BEAN1: variants seen among roughly 807,000 people sequenced by gnomAD.
BEAN1 encodes protein BEAN1.
BEAN1 carries 17 observed loss-of-function variants against 17.7 expected under a neutral mutation model. The observed-to-expected ratio is 0.96, with a 90% confidence interval of 0.66 to 1.44. The LOEUF (loss-of-function observed/expected upper bound fraction) is 1.44, where lower values mean the gene tolerates loss of function less well. Ranked by LOEUF, BEAN1 falls within the 40% of genes most tolerant of loss-of-function variation. The pLI is 0.00. For missense variants in BEAN1, 359 were observed against 374.1 expected (o/e 0.96, Z 0.33); for synonymous variants, 142 against 151.8 (o/e 0.94, Z 0.47).
intron 2 of BEAN1, among the ~76,000 whole-genome samples, chr16:66,442,338 G>A (rs74026535): frequency 1.2e-3 from 183 of 152,330 alleles, no homozygotes; most frequent in African/African-American, 3.9e-3. Context: ...TGGCAGCTCC[G>A]TGGAGCTCCC....
downstream of BEAN1, chr16:66,485,846 T>C (rs1414286196): frequency 1.3e-5 from 2 of 152,280 alleles, no homozygotes; most frequent in African/African-American, 4.8e-5. Context: ...GAGCATCCCT[T>C]GAAAAGGACC....
Position 66,481,006 on chromosome 16 carries a change from C to A in BEAN1, c.*81C>A. ...GCACACAAAGGCGTGCACACACACACAGAGATGCACACGTGACTCATAACA... is the reference window on the plus strand; with the variant it reads ...GCACACAAAGGCGTGCACACACACAAAGAGATGCACACGTGACTCATAACA... On this transcript the variant is annotated 3_prime_UTR_variant, in exon 5 of 5. Transcript: ENST00000536005. This position sits in a 1 kb window ranked among gnomAD's most constrained non-coding sequence, Gnocchi z 4.1. The A allele has an allele frequency of 8.5e-7, 1 of 1,170,628 alleles. No homozygotes were observed. Among genetic ancestry groups the A allele is most frequent in the Non-Finnish European group, 1.2e-6 (1 of 860,044 alleles). 72.5% of individuals were successfully genotyped at this position (1,170,628 alleles called of 1,614,324 possible). A position where few individuals can be genotyped will look rare whatever the true frequency, so the allele number is the denominator to read the frequency against.
chr16:66,491,768 T>C (rs988521537), intron 4 of BEAN1, among the ~76,000 whole-genome samples: 1 of 152,144 alleles, frequency 6.6e-6, no homozygotes. Context: ...ACAATAGGGT[T>C]CCACTCCTAT....
chr16:66,488,595 A>G (rs1964122806), intron 4 of BEAN1, among the ~76,000 whole-genome samples: 1 of 148,832 alleles, frequency 6.7e-6, no homozygotes, highest in Non-Finnish European at 1.5e-5. Context: ...GCTACAGGGG[A>G]GGGTGGGACA....
chr16:66,435,996 C>A (rs1384301210), intron 1 of BEAN1, among the ~76,000 whole-genome samples: 1 of 152,066 alleles, frequency 6.6e-6, no homozygotes, highest in Non-Finnish European at 1.5e-5. Context: ...GGGATATATA[C>A]CCCCTCATGA....
rs143188094 is a variant in BEAN1 at position 66,456,238 on chromosome 16, G to A, written c.26-13364G>A. ...TGGGTGGGATAGCTGATGAAAATTC[G>A]CAGCATTCATGAATTTAACATTTTA... On this transcript the variant is annotated intron_variant, in intron 2 of 4. Transcript: ENST00000536005. 8.0e-3 allele frequency among the ~76,000 whole-genome samples: 1,224 copies of A among 152,216 alleles called. 16 individuals are homozygous for A. The highest frequency in any genetic ancestry group is 0.027 in the African/African-American group (1,137 of 41,504).
chr16:66,457,467 A>C (rs1165398779), intron 2 of BEAN1, among the ~76,000 whole-genome samples: 1 of 152,116 alleles, frequency 6.6e-6, no homozygotes, highest in Non-Finnish European at 1.5e-5. Context: ...CCATGACAAG[A>C]CATTAGTTGA....
At chr16:66,448,101 T>C (rs932439008) in intron 2 of BEAN1, among the ~76,000 whole-genome samples, 6 of 152,194 alleles carry the variant, frequency 3.9e-5, no homozygotes, top group Admixed American at 1.3e-4. Context: ...AACTTTCCCC[T>C]CCTGCCTGTT....
In BEAN1 at chr16:66,477,455, A is replaced by C. The variant is rs1963793059; in HGVS notation, c.290-105A>C. The C allele has an allele frequency of 3.4e-6, 4 of 1,193,824 alleles. No individual in the cohort carries two copies. In the South Asian group the frequency reaches 7.0e-5, roughly 21 times the overall value. The allele number at this position is 1,193,824 out of a possible 1,614,324, so 74.0% of individuals were successfully genotyped here. On this transcript the variant is annotated intron_variant, in intron 3 of 4. Transcript: ENST00000536005. The stretch of plus-strand genomic sequence containing the variant: ...GTGCTTGGTGAGGAGAGGAGTGGTC[A>C]GGTGGGGAATCAGAGCCTCCATGGC...
intron 4 of BEAN1, chr16:66,478,012 G>C (rs2142460051): frequency 7.8e-6 from 2 of 255,790 alleles, no homozygotes; most frequent in Non-Finnish European, 1.5e-5. Context: ...CGTGGCAGCT[G>C]TTCTGAATTC....
chr16:66,450,427 A>T (rs959995021), intron 2 of BEAN1, among the ~76,000 whole-genome samples: 14 of 152,354 alleles, frequency 9.2e-5, no homozygotes, highest in African/African-American at 2.4e-4. Flanking sequence ...AAATCTTTGC[A>T]GGATGGGTCT....
exon 5 of BEAN1, chr16:66,493,049 G>A (rs181104683): frequency 2.6e-5 from 18 of 703,014 alleles, no homozygotes; most frequent in Middle Eastern, 4.6e-4. Context: ...GGGCTACACG[G>A]CCACCTTGGA....
At chr16:66,459,797 G>A (rs1263232757) in intron 2 of BEAN1, among the ~76,000 whole-genome samples, 2 of 152,166 alleles carry the variant, frequency 1.3e-5, no homozygotes, top group East Asian at 1.9e-4. Flanking sequence ...TTTGCCAGAC[G>A]GATTTATCAC....
At chr16:66,477,512 T>A (rs1430584486) in intron 3 of BEAN1, 48 bp from the exon 4 acceptor site, 1 of 1,479,384 alleles carries the variant, frequency 6.8e-7, no homozygotes, top group Non-Finnish European at 9.0e-7. Context: ...ATAAGGACCA[T>A]CCCTGGATCC....
intron 2 of BEAN1, among the ~76,000 whole-genome samples, chr16:66,465,233 G>A (rs1302341057): frequency 6.6e-6 from 1 of 152,102 alleles, no homozygotes; most frequent in Non-Finnish European, 1.5e-5. Flanking sequence ...TCATTCCCGG[G>A]ATAAATCGTA....
In BEAN1 at chr16:66,471,492, G is replaced by A. The variant is rs1366936746; in HGVS notation, c.289+1627G>A. On this transcript the variant is annotated intron_variant, in intron 3 of 4. Coordinates refer to ENST00000536005, the MANE Select transcript of BEAN1 (RefSeq NM_001178020.3). This position sits in a 1 kb window ranked among gnomAD's most constrained non-coding sequence, Gnocchi z 4.7. ...CCTGGGAGCCGCCCCGTGGGCTCAAGGCAGTGTCCGGCAGACACGTACATG... is the reference window on the plus strand; with the variant it reads ...CCTGGGAGCCGCCCCGTGGGCTCAAAGCAGTGTCCGGCAGACACGTACATG... Among the ~76,000 whole-genome samples the A allele has an allele frequency of 6.6e-6, 1 of 152,238 alleles. No homozygotes were observed. The highest frequency in any genetic ancestry group is 1.5e-5 in the Non-Finnish European group (1 of 68,036).
chr16:66,451,591 G>A (rs1280732591), intron 2 of BEAN1, among the ~76,000 whole-genome samples: 2 of 152,198 alleles, frequency 1.3e-5, no homozygotes, highest in Admixed American at 6.5e-5. Context: ...TCTAGGGAAT[G>A]TCTTTAAATT....
At position 66,480,627 on chromosome 16, in the gene BEAN1, T is replaced by TC; in HGVS notation, c.486dup (p.Thr163HisfsTer11). The TC allele has an allele frequency of 6.5e-7, 1 of 1,549,920 alleles. No individual in the cohort carries two copies. Among genetic ancestry groups the TC allele is most frequent in the Non-Finnish European group, 8.7e-7 (1 of 1,145,774 alleles). On this transcript the variant is annotated frameshift_variant, in exon 5 of 5. Coordinates refer to ENST00000536005, the MANE Select transcript of BEAN1 (RefSeq NM_001178020.3). LOFTEE classifies it low-confidence loss of function (END_TRUNC). ...GGGCCAGGGGCCACTCAGCTGTATG[T>TC]CCCCACGGACGCACCACCACCCTAC... is the stretch of plus-strand genomic sequence containing the variant.
chr16:66,437,246 T>C (rs1962061720), intron 1 of BEAN1, among the ~76,000 whole-genome samples: 1 of 152,134 alleles, frequency 6.6e-6, no homozygotes. Context: ...TGGCTCATGA[T>C]GCCATGGTCT....
Sources: gnomAD v4.1 joint callset for allele counts (sites outside exome capture counted in the v4.1 genomes callset) on GRCh38, gnomAD v4.1.1 for gene constraint, Gnocchi (gnomAD v3.1) non-coding constraint, MANE v1.5 for transcripts, NCBI Gene and HGNC (gene_info 2026-07-23, HGNC 2026-07-21) for gene names.